VAT1L: variants seen among roughly 807,000 people sequenced by gnomAD.
VAT1L encodes the protein putative NADPH-dependent quinone oxidoreductase VAT1L.
Under a neutral mutation model 44.1 loss-of-function variants are expected in VAT1L, and 34 were observed. That is an observed-to-expected ratio of 0.77 (90% confidence interval 0.59 to 1.03). The LOEUF (loss-of-function observed/expected upper bound fraction) is 1.03. Ranked by LOEUF, VAT1L falls within the 50% of genes least tolerant of loss-of-function variation. The pLI is 0.00. For missense variants in VAT1L, 615 were observed against 538.8 expected (o/e 1.14, Z -1.40); for synonymous variants, 253 against 202.2 (o/e 1.25, Z -2.13).
intron 3 of VAT1L, among the ~76,000 whole-genome samples, chr16:77,838,818 T>C (rs939888598): frequency 1.3e-5 from 2 of 151,858 alleles, no homozygotes; most frequent in African/African-American, 4.8e-5. Context: ...CTTCTTCTTT[T>C]CCTTCTCTCT....
At chr16:77,837,216 G>A (rs887365683) in intron 3 of VAT1L, among the ~76,000 whole-genome samples, 4 of 152,284 alleles carry the variant, frequency 2.6e-5, no homozygotes, top group African/African-American at 7.2e-5. Flanking sequence ...AGGATTGCCT[G>A]GGTTTTCCCA....
At chr16:77,942,845 A>G (rs967216995) in intron 7 of VAT1L, among the ~76,000 whole-genome samples, 2 of 151,902 alleles carry the variant, frequency 1.3e-5, no homozygotes, top group East Asian at 1.9e-4. Context: ...CCCGGGTTCA[A>G]GCGATTATCT....
chr16:77,837,568 A>T (rs140492458), intron 3 of VAT1L, among the ~76,000 whole-genome samples: 100 of 152,324 alleles, frequency 6.6e-4, no homozygotes, highest in Middle Eastern at 3.4e-3. Context: ...TTTGTAGAAG[A>T]AATGAAAGAA....
At chr16:77,962,883 C>A (rs2018179309) in intron 7 of VAT1L, among the ~76,000 whole-genome samples, 1 of 152,116 alleles carries the variant, frequency 6.6e-6, no homozygotes, top group Non-Finnish European at 1.5e-5. Context: ...GAGGTAGAGG[C>A]TGCAGTGGGT....
intron 7 of VAT1L, among the ~76,000 whole-genome samples, chr16:77,918,465 A>G (rs562008961): frequency 6.6e-6 from 1 of 152,018 alleles, no homozygotes; most frequent in South Asian, 2.1e-4. Context: ...TCCACCCACC[A>G]TCATCCTGCC....
intron 7 of VAT1L, among the ~76,000 whole-genome samples, chr16:77,894,850 G>GA (rs1440923076): frequency 6.6e-6 from 1 of 152,070 alleles, no homozygotes. Flanking sequence ...GGGAGATGGG[G>GA]AAGAGGCACA....
intron 7 of VAT1L, among the ~76,000 whole-genome samples, chr16:77,953,837 G>A (rs1567520773): frequency 6.6e-6 from 1 of 152,010 alleles, no homozygotes; most frequent in Admixed American, 6.6e-5. Flanking sequence ...TCTCTAGTAG[G>A]CATTGGTTCA....
At chr16:77,868,554 C>T (rs1187719948) in intron 4 of VAT1L, among the ~76,000 whole-genome samples, 1 of 152,152 alleles carries the variant, frequency 6.6e-6, no homozygotes, top group East Asian at 1.9e-4. Context: ...CAAGGCAAGC[C>T]TAGTTAAGTA....
chr16:77,808,027 G>C (rs563328214), intron 1 of VAT1L, among the ~76,000 whole-genome samples: 1 of 151,912 alleles, frequency 6.6e-6, no homozygotes, highest in Non-Finnish European at 1.5e-5. Context: ...CCAGAACAGG[G>C]CTCCCTGGGC....
chr16:77,856,717 G>C (rs1305328659), intron 3 of VAT1L, among the ~76,000 whole-genome samples: 1 of 152,154 alleles, frequency 6.6e-6, no homozygotes, highest in African/African-American at 2.4e-5. Flanking sequence ...ATTAACATCT[G>C]GTTGAAAATC....
rs542710661 is a variant in VAT1L, at chr16:77,951,444, G to C, written c.1078-20406G>C. The stretch of plus-strand genomic sequence containing the variant: ...GCCTGTAATCCCAGCTACTCGGGAG[G>C]CTGAAGCAGGAGAATCGCTTGAACC... On this transcript the variant is annotated intron_variant, in intron 7 of 8. Coordinates refer to ENST00000302536, the MANE Select transcript of VAT1L (RefSeq NM_020927.3). Among the ~76,000 whole-genome samples, 18 of 152,308 alleles carry C rather than the reference G, an allele frequency of 1.2e-4. No homozygotes were observed. In the South Asian group the frequency reaches 3.3e-3, roughly 28 times the overall value.
intron 3 of VAT1L, among the ~76,000 whole-genome samples, chr16:77,846,147 T>G (rs2016756400): frequency 6.6e-6 from 1 of 152,172 alleles, no homozygotes; most frequent in African/African-American, 2.4e-5. Flanking sequence ...GGTTCTTAAT[T>G]ACACAGGGGG....
At chr16:77,848,726 T>G (rs189461570) in intron 3 of VAT1L, among the ~76,000 whole-genome samples, 16 of 152,264 alleles carry the variant, frequency 1.1e-4, no homozygotes, top group African/African-American at 3.6e-4. Context: ...ACATGCCACC[T>G]CATGTTCCCA....
At chr16:77,920,296 T>G (rs928331715) in intron 7 of VAT1L, among the ~76,000 whole-genome samples, 4 of 152,094 alleles carry the variant, frequency 2.6e-5, no homozygotes, top group Admixed American at 2.6e-4. Flanking sequence ...GTTACGAATG[T>G]TCAAAAGGTG....
intron 6 of VAT1L, chr16:77,882,044 A>G (rs577269978): frequency 4.6e-5 from 7 of 152,304 alleles, no homozygotes; most frequent in Admixed American, 1.3e-4. Context: ...AGGGGTTCCT[A>G]TTTCCAGAAC....
At chr16:77,936,217 T>C (rs570677281) in intron 7 of VAT1L, among the ~76,000 whole-genome samples, 2 of 152,300 alleles carry the variant, frequency 1.3e-5, no homozygotes, top group East Asian at 1.9e-4. Context: ...TATGTTACTA[T>C]ACTGAGACTT....
intron 3 of VAT1L, among the ~76,000 whole-genome samples, chr16:77,843,048 C>G (rs971556964): frequency 6.6e-6 from 1 of 152,116 alleles, no homozygotes; most frequent in Non-Finnish European, 1.5e-5. Flanking sequence ...CACCCAAAGT[C>G]ACAAGATTGG....
At chr16:77,862,677 C>A in intron 3 of VAT1L, 71 bp from the exon 4 acceptor site, 12 of 1,115,848 alleles carry the variant, frequency 1.1e-5, no homozygotes, top group South Asian at 2.9e-5. Flanking sequence ...AAATCCTGCT[C>A]TACACCCAGC....
chr16:77,908,642 G>T (rs1030458467), intron 7 of VAT1L, among the ~76,000 whole-genome samples: 5 of 151,924 alleles, frequency 3.3e-5, no homozygotes, highest in South Asian at 2.1e-4. Flanking sequence ...GAGGCCGGGC[G>T]CGGTGACTCA....
Sources: allele counts gnomAD v4.1 joint callset (sites outside exome capture counted in the v4.1 genomes callset), GRCh38; gene constraint gnomAD v4.1.1; transcripts MANE v1.5; gene names NCBI Gene and HGNC (gene_info 2026-07-23, HGNC 2026-07-21).